Variants in HS3ST3A1 observed in about 807,000 individuals in gnomAD.
HS3ST3A1 encodes heparan sulfate-glucosamine 3-sulfotransferase 3A1.
HS3ST3A1 carries 19 observed loss-of-function variants against 25.7 expected under a neutral mutation model. The observed-to-expected ratio is 0.74, with a 90% confidence interval of 0.52 to 1.08. The LOEUF is 1.08. Among genes scored for constraint, HS3ST3A1 ranks in the 50% least tolerant of loss-of-function variants. The pLI is 0.00. For synonymous variants in HS3ST3A1, 226 were observed against 278.6 expected, an observed-to-expected ratio of 0.81 and a Z score of 1.88; for missense variants, 459 against 594.3, an observed-to-expected ratio of 0.77 and a Z score of 2.37.
intron 1 of HS3ST3A1, among the ~76,000 whole-genome samples, chr17:13,527,150 ACC>A (rs1171377682): frequency 6.6e-6 from 1 of 152,116 alleles, no homozygotes; most frequent in Non-Finnish European, 1.5e-5. Flanking sequence ...CCAGGACTGA[ACC>A]CAGACAGCCT....
chr17:13,544,761 C>G (rs1432219341), intron 1 of HS3ST3A1, among the ~76,000 whole-genome samples: 1 of 90,296 alleles, frequency 1.1e-5, no homozygotes, highest in Non-Finnish European at 2.1e-5. Flanking sequence ...ATCTGCAAAG[C>G]TGAACCCTCC....
intron 1 of HS3ST3A1, among the ~76,000 whole-genome samples, chr17:13,565,821 CTTTG>C (rs1907662886): frequency 6.6e-6 from 1 of 152,244 alleles, no homozygotes; most frequent in Admixed American, 6.5e-5. Flanking sequence ...TTACTTCTCT[CTTTG>C]TTTATCTGAA....
intron 1 of HS3ST3A1, among the ~76,000 whole-genome samples, chr17:13,533,673 A>T (rs533639777): frequency 3.9e-4 from 59 of 152,216 alleles, no homozygotes; most frequent in African/African-American, 1.4e-3. Context: ...AAAGCTTTAG[A>T]TAGGGTCTAT....
chr17:13,512,321 A>AAAAAAAAAAAAAAAAAAC (rs1395357582), intron 1 of HS3ST3A1, among the ~76,000 whole-genome samples: 16 of 144,656 alleles, frequency 1.1e-4, no homozygotes, highest in African/African-American at 2.6e-4. Context: ...AAAAAAAAAA[A>AAAAAAAAAAAAAAAAAAC]AAAAAACTGC....
At chr17:13,539,025 G>T (rs1477875997) in intron 1 of HS3ST3A1, among the ~76,000 whole-genome samples, 1 of 152,192 alleles carries the variant, frequency 6.6e-6, no homozygotes, top group African/African-American at 2.4e-5. Flanking sequence ...TTGACGGAGA[G>T]GTCAGCTGGG....
chr17:13,513,610 A>G (rs940331779), intron 1 of HS3ST3A1, among the ~76,000 whole-genome samples: 3 of 152,232 alleles, frequency 2.0e-5, no homozygotes, highest in Admixed American at 1.3e-4. Flanking sequence ...TGCACACACT[A>G]TTCTAAACTG....
chr17:13,563,960 T>C (rs954993080), intron 1 of HS3ST3A1, among the ~76,000 whole-genome samples: 1 of 152,206 alleles, frequency 6.6e-6, no homozygotes, highest in Admixed American at 6.5e-5. Context: ...TTATTAATTA[T>C]TATTGAATAA....
chr17:13,501,586 A>C (rs933220506), intron 1 of HS3ST3A1, among the ~76,000 whole-genome samples: 5 of 152,188 alleles, frequency 3.3e-5, no homozygotes, highest in African/African-American at 4.8e-5. Flanking sequence ...TTTGTGGTCC[A>C]TGCCCACTGC....
chr17:13,562,432 G>A lies in HS3ST3A1; in HGVS notation c.599+38099C>T, dbSNP rs534286790. ...ACACACGAGGGACAGCGGGTGGGGG[G>A]GAAAGTAACCCTATCCAATTCCTGA... On this transcript the variant is annotated intron_variant, in intron 1 of 1. Transcript: ENST00000284110. 2.4e-3 allele frequency among the ~76,000 whole-genome samples: 361 copies of A among 152,204 alleles called. 2 individuals are homozygous for A. The highest frequency in any genetic ancestry group is 8.3e-3 in the African/African-American group (345 of 41,516).
chr17:13,581,343 T>C (rs1325583904), intron 1 of HS3ST3A1, among the ~76,000 whole-genome samples: 1 of 151,930 alleles, frequency 6.6e-6, no homozygotes, highest in African/African-American at 2.4e-5. Context: ...GGCACGCACC[T>C]GTAGTCCCAG....
chr17:13,588,733 G>A (rs1167087234), intron 1 of HS3ST3A1, among the ~76,000 whole-genome samples: 1 of 151,524 alleles, frequency 6.6e-6, no homozygotes, highest in African/African-American at 2.4e-5. Context: ...GCCCAGGCTG[G>A]AGTGCTGTGG....
chr17:13,531,509 G>A (rs1011366041), intron 1 of HS3ST3A1, among the ~76,000 whole-genome samples: 6 of 152,110 alleles, frequency 3.9e-5, no homozygotes, highest in African/African-American at 1.4e-4. Context: ...TTATAAACTT[G>A]AATGGGAAAA....
intron 1 of HS3ST3A1, among the ~76,000 whole-genome samples, chr17:13,561,432 G>A (rs940115239): frequency 3.3e-5 from 5 of 151,252 alleles, no homozygotes; most frequent in Non-Finnish European, 7.4e-5. Flanking sequence ...TGTCGCCCAG[G>A]CTAGAGTACA....
chr17:13,542,386 C>A (rs1167443940), intron 1 of HS3ST3A1, among the ~76,000 whole-genome samples: 2 of 149,620 alleles, frequency 1.3e-5, no homozygotes, highest in African/African-American at 4.9e-5. Context: ...CCTGATCCAA[C>A]AGAATTGGTG....
intron 1 of HS3ST3A1, among the ~76,000 whole-genome samples, chr17:13,553,149 C>T (rs1297617465): frequency 2.0e-5 from 3 of 152,090 alleles, no homozygotes; most frequent in African/African-American, 7.2e-5. Flanking sequence ...AATACAGGAT[C>T]CCAGTAACAA....
At chr17:13,578,126 T>G (rs1907994723) in intron 1 of HS3ST3A1, among the ~76,000 whole-genome samples, 1 of 152,166 alleles carries the variant, frequency 6.6e-6, no homozygotes, top group Non-Finnish European at 1.5e-5. Context: ...CACGGCAGTT[T>G]TAGTCATAGT....
At chr17:13,543,667 A>T (rs1567619319) in intron 1 of HS3ST3A1, 1 of 158,746 alleles carries the variant, frequency 6.3e-6, no homozygotes. Context: ...GTGAATCTAG[A>T]AGGAAATCTA....
At chr17:13,539,974 G>A (rs934947806) in intron 1 of HS3ST3A1, among the ~76,000 whole-genome samples, 1 of 152,204 alleles carries the variant, frequency 6.6e-6, no homozygotes, top group African/African-American at 2.4e-5. Flanking sequence ...GGGCACCCCA[G>A]TTTGGGCTTA....
chr17:13,563,550 T>C (rs1312867209), intron 1 of HS3ST3A1, among the ~76,000 whole-genome samples: 1 of 152,086 alleles, frequency 6.6e-6, no homozygotes, highest in Non-Finnish European at 1.5e-5. Flanking sequence ...TTGACCCCAG[T>C]GTGGGGGGCA....
Sources: allele counts gnomAD v4.1 joint callset (sites outside exome capture counted in the v4.1 genomes callset), GRCh38; gene constraint gnomAD v4.1.1; transcripts MANE v1.5; gene names NCBI Gene and HGNC (gene_info 2026-07-23, HGNC 2026-07-21).